The following TSPAN18 variants were observed in gnomAD, a reference collection of about 807,000 sequenced individuals.
TSPAN18 encodes the protein tetraspanin 18.
TSPAN18 carries 14 observed loss-of-function variants against 27.3 expected under a neutral mutation model. The observed-to-expected ratio is 0.51, with a 90% confidence interval of 0.34 to 0.80. The LOEUF (loss-of-function observed/expected upper bound fraction) is 0.80. Among genes scored for constraint, TSPAN18 ranks in the 30% least tolerant of loss-of-function variants. TSPAN18 has a pLI of 0.01. For synonymous variants in TSPAN18, 143 were observed against 136.5 expected (o/e 1.05, Z -0.33); for missense variants, 268 against 323.9 (o/e 0.83, Z 1.32).
intron 1 of TSPAN18, among the ~76,000 whole-genome samples, chr11:44,753,083 G>A (rs747692922): frequency 3.9e-5 from 6 of 152,154 alleles, no homozygotes; most frequent in Admixed American, 6.5e-5. Flanking sequence ...TCACATGCTA[G>A]AAAACACTGC....
At chr11:44,760,527 G>A (rs901842658) in intron 1 of TSPAN18, among the ~76,000 whole-genome samples, 10 of 152,200 alleles carry the variant, frequency 6.6e-5, no homozygotes, top group Admixed American at 3.3e-4. Flanking sequence ...TATTGTGTAT[G>A]TATGTTATAT....
At chr11:44,885,266 T>C (rs1308115462) in intron 3 of TSPAN18, among the ~76,000 whole-genome samples, 2 of 152,172 alleles carry the variant, frequency 1.3e-5, no homozygotes, top group Non-Finnish European at 2.9e-5. Flanking sequence ...TCCCATGAGG[T>C]GAGCCAGGTG....
At chr11:44,828,947 C>T (rs926888516) in intron 2 of TSPAN18, among the ~76,000 whole-genome samples, 4 of 152,184 alleles carry the variant, frequency 2.6e-5, no homozygotes, top group African/African-American at 9.7e-5. Flanking sequence ...CTGGTCTCCC[C>T]ACCTCTACTC....
intron 2 of TSPAN18, among the ~76,000 whole-genome samples, chr11:44,799,861 C>T (rs1489472020): frequency 2.6e-5 from 4 of 152,254 alleles, no homozygotes; most frequent in South Asian, 2.1e-4. Context: ...GACGGAGTCT[C>T]GTTCTGTCAC....
At chr11:44,767,448 A>G (rs1855593532) in intron 2 of TSPAN18, among the ~76,000 whole-genome samples, 1 of 152,202 alleles carries the variant, frequency 6.6e-6, no homozygotes, top group Non-Finnish European at 1.5e-5. Context: ...CTGCATCTAG[A>G]GGTGCCCTCT....
At chr11:44,752,913 C>A (rs1211634915) in intron 1 of TSPAN18, among the ~76,000 whole-genome samples, 11 of 152,170 alleles carry the variant, frequency 7.2e-5, no homozygotes, top group Non-Finnish European at 1.5e-5. Flanking sequence ...TAACTTTATA[C>A]AAAGTTACAT....
chr11:44,726,910 A>AGGGGGAGGGAGGGCGGGGGG (rs1294765719), upstream of TSPAN18: 8 of 15,834 alleles, frequency 5.1e-4, no homozygotes, highest in East Asian at 4.7e-3. Flanking sequence ...AGGGCGGGGG[A>AGGGGGAGGGAGGGCGGGGGG]GGGGAGGGAC....
At chr11:44,761,545 TC>T (rs1188044906) in intron 1 of TSPAN18, among the ~76,000 whole-genome samples, 3 of 152,196 alleles carry the variant, frequency 2.0e-5, no homozygotes, top group African/African-American at 7.2e-5. Flanking sequence ...ACTAATCTCC[TC>T]TGAGGCTGCA....
At chr11:44,811,930 G>A (rs1362780710) in intron 2 of TSPAN18, among the ~76,000 whole-genome samples, 1 of 152,214 alleles carries the variant, frequency 6.6e-6, no homozygotes, top group Non-Finnish European at 1.5e-5. Flanking sequence ...GAACAGAAGG[G>A]TCAGCTCATT....
At chr11:44,790,842 G>A (rs1483482810) in intron 2 of TSPAN18, among the ~76,000 whole-genome samples, 1 of 152,162 alleles carries the variant, frequency 6.6e-6, no homozygotes, top group Non-Finnish European at 1.5e-5. Flanking sequence ...GTCCATGTAG[G>A]GCCAGGAGGA....
intron 2 of TSPAN18, among the ~76,000 whole-genome samples, chr11:44,798,820 G>T (rs956611809): frequency 1.3e-5 from 2 of 152,286 alleles, no homozygotes; most frequent in Non-Finnish European, 2.9e-5. Flanking sequence ...TGCATTTCAG[G>T]GATATGAAGA....
At chr11:44,730,473 C>T (rs1368214068) in intron 1 of TSPAN18, among the ~76,000 whole-genome samples, 1 of 152,128 alleles carries the variant, frequency 6.6e-6, no homozygotes, top group Non-Finnish European at 1.5e-5. Flanking sequence ...ACTCTGGTCC[C>T]ACTGAGCAGA....
chr11:44,739,867 GC>G (rs2134818868), intron 1 of TSPAN18, among the ~76,000 whole-genome samples: 1 of 152,298 alleles, frequency 6.6e-6, no homozygotes, highest in South Asian at 2.1e-4. Context: ...GGAGGGAACA[GC>G]TATTCACCGA....
intron 3 of TSPAN18, among the ~76,000 whole-genome samples, chr11:44,889,587 A>G (rs1017121401): frequency 1.3e-5 from 2 of 152,190 alleles, no homozygotes; most frequent in African/African-American, 2.4e-5. Context: ...AGAGGCCAAG[A>G]GCCAAAGCCC....
At chr11:44,820,429 G>C (rs1464698546) in intron 2 of TSPAN18, among the ~76,000 whole-genome samples, 1 of 152,218 alleles carries the variant, frequency 6.6e-6, no homozygotes, top group African/African-American at 2.4e-5. Context: ...ATGGTGCACT[G>C]TCCACTTCTC....
chr11:44,900,680 CTTTTTTTTTTTTTTTTTT>C (rs72469181), intron 3 of TSPAN18, among the ~76,000 whole-genome samples: 4 of 49,702 alleles, frequency 8.0e-5, no homozygotes, highest in East Asian at 6.7e-4. Context: ...TTGAGGAAGG[CTTTTTTTTTTTTTTTTTT>C]TTTTTTTTTT....
intron 5 of TSPAN18, among the ~76,000 whole-genome samples, chr11:44,912,280 CAG>C (rs1486592578): frequency 1.3e-5 from 2 of 152,154 alleles, no homozygotes; most frequent in African/African-American, 4.8e-5. Context: ...CTCGGCCTCT[CAG>C]AGTGTTGGGA....
intron 3 of TSPAN18, chr11:44,903,231 G>T (rs990005229): frequency 2.8e-6 from 1 of 362,936 alleles, no homozygotes; most frequent in Non-Finnish European, 5.4e-6. Context: ...TCCTGGCGGA[G>T]GTGATGCCTG....
At chr11:44,908,710 G>C (rs1859548289) in intron 4 of TSPAN18, among the ~76,000 whole-genome samples, 1 of 145,750 alleles carries the variant, frequency 6.9e-6, no homozygotes. Context: ...CTCCAGCCTG[G>C]GTAGCAGAGC....
Sources: allele counts gnomAD v4.1 joint callset (sites outside exome capture counted in the v4.1 genomes callset), GRCh38; gene constraint gnomAD v4.1.1; transcripts MANE v1.5; gene names NCBI Gene and HGNC (gene_info 2026-07-23, HGNC 2026-07-21).